SGSM1: variants seen among roughly 807,000 people sequenced by gnomAD.
SGSM1 encodes RUN and TBC1 domain containing 2.
A neutral mutation model predicts 133.8 loss-of-function variants in SGSM1; 73 were observed. The ratio of observed to expected loss-of-function variants is 0.55; its 90% CI spans 0.45 to 0.66. SGSM1 has a LOEUF of 0.66. SGSM1 is among the 30% of genes least tolerant of loss of function. The pLI is 0.00. For missense variants in SGSM1, 1,213 were observed against 1,448.1 expected (o/e 0.84, Z 2.64); for synonymous variants, 563 against 573.0 (o/e 0.98, Z 0.25).
At chr22:24,866,378 A>C (rs994902123) in intron 9 of SGSM1, among the ~76,000 whole-genome samples, 17 of 152,154 alleles carry the variant, frequency 1.1e-4, no homozygotes, top group Admixed American at 9.8e-4. Flanking sequence ...CTGTGAAGCT[A>C]TTGAGAGGCT....
intron 14 of SGSM1, among the ~76,000 whole-genome samples, chr22:24,882,446 G>A (rs1329320367): frequency 1.3e-5 from 2 of 152,094 alleles, no homozygotes; most frequent in Non-Finnish European, 2.9e-5. Context: ...TTTGATAGAT[G>A]TATCCATTGT....
chr22:24,895,707 G>A (rs1229308328), intron 18 of SGSM1, among the ~76,000 whole-genome samples: 1 of 152,058 alleles, frequency 6.6e-6, no homozygotes, highest in African/African-American at 2.4e-5. Context: ...ACAACTTTCC[G>A]TTTCAATTGG....
At chr22:24,811,724 C>T (rs1193835775) in intron 2 of SGSM1, among the ~76,000 whole-genome samples, 1 of 151,830 alleles carries the variant, frequency 6.6e-6, no homozygotes, top group African/African-American at 2.4e-5. Context: ...ATAAAAATAG[C>T]CAGGCATTGT....
At chr22:24,844,283 C>T (rs1241125155) in intron 2 of SGSM1, 1 of 152,256 alleles carries the variant, frequency 6.6e-6, no homozygotes, top group East Asian at 1.9e-4. Context: ...CGCATGTAAT[C>T]CAAGCACTTT....
intron 13 of SGSM1, among the ~76,000 whole-genome samples, chr22:24,878,617 C>T: frequency 6.6e-6 from 1 of 152,228 alleles, no homozygotes. Flanking sequence ...ATTCTATCCT[C>T]TATGAGAGTG....
chr22:24,861,881 G>A (rs974754184), intron 9 of SGSM1, among the ~76,000 whole-genome samples: 1 of 151,304 alleles, frequency 6.6e-6, no homozygotes, highest in African/African-American at 2.4e-5. Flanking sequence ...TGTCACCCAG[G>A]CTGGTCTTGA....
intron 18 of SGSM1, among the ~76,000 whole-genome samples, chr22:24,897,457 A>G (rs778799977): frequency 6.6e-6 from 1 of 152,118 alleles, no homozygotes; most frequent in Non-Finnish European, 1.5e-5. Flanking sequence ...ACACAAGCAC[A>G]TAGATCACTT....
rs138798792 is a variant in SGSM1, at chr22:24,884,541, G to A, written c.1641+343G>A. On this transcript the variant is annotated intron_variant, in intron 15 of 24. Transcript: ENST00000400358. ...GGAGGCTGAGGAGGGTGGATCACTT[G>A]AGGTCAGGAGTTCAAGACCAGCCTG... Among the ~76,000 whole-genome samples the A allele has an allele frequency of 8.3e-3, 1,259 of 152,338 alleles. 9 individuals carry two copies. Among genetic ancestry groups the A allele is most frequent in the Non-Finnish European group, 0.014 (922 of 68,022 alleles).
intron 2 of SGSM1, among the ~76,000 whole-genome samples, chr22:24,822,255 C>T (rs9612779): frequency 0.61 from 92,123 of 151,506 alleles, 28,977 homozygotes; most frequent in East Asian, 0.92. Context: ...CACGCCCGGC[C>T]AATTTTTTTT....
chr22:24,905,024 C>A, intron 20 of SGSM1, 81 bp from the exon 21 acceptor site: 1 of 1,182,494 alleles, frequency 8.5e-7, no homozygotes, highest in Non-Finnish European at 1.3e-6. Context: ...GATTGGGGAC[C>A]GAAGCAGGAG....
intron 8 of SGSM1, among the ~76,000 whole-genome samples, chr22:24,856,878 C>T (rs189676238): frequency 1.3e-5 from 2 of 151,610 alleles, no homozygotes; most frequent in Non-Finnish European, 2.9e-5. Flanking sequence ...ACACCATTCT[C>T]CTGCCTCAGC....
At chr22:24,878,988 T>C (rs191009956) in intron 13 of SGSM1, among the ~76,000 whole-genome samples, 1,764 of 152,328 alleles carry the variant, frequency 0.012, 16 homozygotes, top group African/African-American at 0.04. Flanking sequence ...CTCTGCTTGC[T>C]TCTATGATGG....
intron 13 of SGSM1, 91 bp from the exon 14 acceptor site, chr22:24,879,371 C>A: frequency 8.2e-7 from 1 of 1,215,690 alleles, no homozygotes. Context: ...TATTAATCTG[C>A]CCTCTAGAGA....
At chr22:24,874,252 A>G (rs1444321414) in intron 12 of SGSM1, among the ~76,000 whole-genome samples, 2 of 152,174 alleles carry the variant, frequency 1.3e-5, no homozygotes, top group Non-Finnish European at 2.9e-5. Context: ...CTTTATAAAA[A>G]TCAGCATTCT....
At chr22:24,831,334 G>A (rs1302240763) in intron 2 of SGSM1, among the ~76,000 whole-genome samples, 1 of 152,044 alleles carries the variant, frequency 6.6e-6, no homozygotes, top group Non-Finnish European at 1.5e-5. Flanking sequence ...AAGGGGAGCT[G>A]GGATGGCCTG....
chr22:24,852,267 T>G (rs1030967351), intron 5 of SGSM1, among the ~76,000 whole-genome samples: 1 of 152,150 alleles, frequency 6.6e-6, no homozygotes, highest in African/African-American at 2.4e-5. Context: ...AATTTTTATA[T>G]TTACTGAATT....
intron 9 of SGSM1, among the ~76,000 whole-genome samples, chr22:24,865,161 T>G (rs776327140): frequency 6.6e-5 from 10 of 152,194 alleles, no homozygotes; most frequent in Non-Finnish European, 1.3e-4. Flanking sequence ...CACCGGGCAT[T>G]CCAGTGCTCA....
intron 4 of SGSM1, among the ~76,000 whole-genome samples, chr22:24,849,719 G>A (rs17664186): frequency 0.011 from 1,721 of 152,298 alleles, 12 homozygotes; most frequent in South Asian, 0.022. Flanking sequence ...CAATGCCCTC[G>A]CTGAGACTTA....
chr22:24,918,674 A>G (rs541660480), intron 23 of SGSM1, among the ~76,000 whole-genome samples: 74 of 152,160 alleles, frequency 4.9e-4, no homozygotes, highest in Non-Finnish European at 8.1e-4. Flanking sequence ...CCAGCAAGTG[A>G]TGGAGGAAGG....
Sources: gnomAD v4.1 joint callset for allele counts (sites outside exome capture counted in the v4.1 genomes callset) on GRCh38, gnomAD v4.1.1 for gene constraint, MANE v1.5 for transcripts, NCBI Gene and HGNC (gene_info 2026-07-23, HGNC 2026-07-21) for gene names.